ATG5: variants seen among roughly 807,000 people sequenced by gnomAD.
The protein encoded by ATG5 is autophagy related 5.
A neutral mutation model predicts 36.5 loss-of-function variants in ATG5; 14 were observed. The observed-to-expected ratio is 0.38, with a 90% CI of 0.25 to 0.60. The LOEUF is 0.60. Among genes scored for constraint, ATG5 ranks in the 20% least tolerant of loss-of-function variants. The probability of loss-of-function intolerance (pLI) is 0.60; values close to 1 mark genes in which losing one functional copy is unlikely to be tolerated. For missense variants in ATG5, 195 were observed against 326.7 expected (o/e 0.60, Z 3.11); for synonymous variants, 95 against 101.5 (o/e 0.94, Z 0.38).
intron 7 of ATG5, among the ~76,000 whole-genome samples, chr6:106,197,063 G>A (rs950781997): frequency 2.0e-5 from 3 of 152,304 alleles, no homozygotes; most frequent in Middle Eastern, 3.4e-3. Flanking sequence ...TGACAATTGT[G>A]CTGCTGTTAG....
chr6:106,316,021 T>C, intron 2 of ATG5, 80 bp downstream of exon 2: 1 of 1,119,076 alleles, frequency 8.9e-7, no homozygotes, highest in Non-Finnish European at 1.3e-6. Flanking sequence ...CGTTACATAA[T>C]GGCCTCCAAG....
intron 6 of ATG5, among the ~76,000 whole-genome samples, chr6:106,216,850 C>T (rs1777058700): frequency 6.6e-6 from 1 of 151,908 alleles, no homozygotes; most frequent in Non-Finnish European, 1.5e-5. Context: ...AAATAGCCAC[C>T]ATACACACCA....
At chr6:106,189,940 G>A (rs1161169005) in intron 7 of ATG5, among the ~76,000 whole-genome samples, 3 of 151,980 alleles carry the variant, frequency 2.0e-5, no homozygotes, top group Admixed American at 2.0e-4. Context: ...TTTATATAGG[G>A]CACTTTTTAG....
At chr6:106,199,989 A>G (rs1776352810) in intron 7 of ATG5, among the ~76,000 whole-genome samples, 1 of 152,206 alleles carries the variant, frequency 6.6e-6, no homozygotes, top group African/African-American at 2.4e-5. Flanking sequence ...TAATTTGGGT[A>G]GTCAGTGGTC....
chr6:106,202,199 G>C, intron 6 of ATG5, 110 bp from the exon 7 acceptor site: 1 of 728,746 alleles, frequency 1.4e-6, no homozygotes, highest in South Asian at 1.7e-5. Context: ...TTGATACGGT[G>C]TTAGCATAAT....
chr6:106,200,477 ATT>A (rs5878872), intron 7 of ATG5, among the ~76,000 whole-genome samples: 4 of 144,444 alleles, frequency 2.8e-5, no homozygotes, highest in African/African-American at 2.5e-5. Flanking sequence ...CAACTCTGCA[ATT>A]TTTTTTTTTT....
intron 4 of ATG5, among the ~76,000 whole-genome samples, chr6:106,284,912 T>C (rs898678061): frequency 2.6e-5 from 4 of 152,224 alleles, no homozygotes; most frequent in African/African-American, 9.6e-5. Flanking sequence ...AGATAGTATA[T>C]GATTTGCAAA....
At chr6:106,314,613 AGTT>A (rs1286100986) in intron 2 of ATG5, among the ~76,000 whole-genome samples, 5 of 152,078 alleles carry the variant, frequency 3.3e-5, no homozygotes, top group Admixed American at 6.6e-5. Context: ...ATTATTTTTC[AGTT>A]GTTGTCAATT....
intron 3 of ATG5, among the ~76,000 whole-genome samples, chr6:106,301,095 GTGGTAATAA>G (rs1770188632): frequency 6.6e-6 from 1 of 152,018 alleles, no homozygotes; most frequent in South Asian, 2.1e-4. Flanking sequence ...AACACCAGTT[GTGGTAATAA>G]GAAACTTCAC....
intron 6 of ATG5, among the ~76,000 whole-genome samples, chr6:106,237,548 G>A (rs1234562800): frequency 6.6e-6 from 1 of 152,120 alleles, no homozygotes; most frequent in African/African-American, 2.4e-5. Flanking sequence ...CTACCCCACA[G>A]AAGTGTTATG....
chr6:106,192,949 G>A (rs1175444598), intron 7 of ATG5, among the ~76,000 whole-genome samples: 1 of 152,172 alleles, frequency 6.6e-6, no homozygotes, highest in Non-Finnish European at 1.5e-5. Flanking sequence ...TCATGCTGAA[G>A]GATTTTGTCT....
At chr6:106,314,738 T>C (rs1449524215) in intron 2 of ATG5, among the ~76,000 whole-genome samples, 2 of 151,966 alleles carry the variant, frequency 1.3e-5, no homozygotes, top group Admixed American at 6.6e-5. Context: ...AAAAAAATGG[T>C]ATCCTAACCT....
At chr6:106,270,222 C>T (rs1275292807) in intron 5 of ATG5, among the ~76,000 whole-genome samples, 2 of 152,028 alleles carry the variant, frequency 1.3e-5, no homozygotes, top group African/African-American at 4.8e-5. Context: ...TTTTTAATTA[C>T]AGAAAGAACA....
At chr6:106,222,116 G>C (rs917288026) in intron 6 of ATG5, among the ~76,000 whole-genome samples, 32 of 152,112 alleles carry the variant, frequency 2.1e-4, no homozygotes, top group Non-Finnish European at 4.4e-4. Context: ...GTTTGGCCAG[G>C]ATGGTCTCAA....
chr6:106,227,138 C>A (rs2114447865), intron 6 of ATG5, among the ~76,000 whole-genome samples: 1 of 150,808 alleles, frequency 6.6e-6, no homozygotes, highest in East Asian at 2.0e-4. Flanking sequence ...CAAAGCGATC[C>A]ACACCTAGGT....
intron 5 of ATG5, among the ~76,000 whole-genome samples, chr6:106,251,723 G>GAGAA (rs1269445417): frequency 2.1e-5 from 3 of 145,988 alleles, no homozygotes; most frequent in Non-Finnish European, 3.0e-5. Context: ...AAGAAAGAAA[G>GAGAA]AGAAAGAGAA....
intron 1 of ATG5, among the ~76,000 whole-genome samples, chr6:106,322,713 T>C (rs2114693104): frequency 6.6e-6 from 1 of 152,330 alleles, no homozygotes; most frequent in African/African-American, 2.4e-5. Context: ...CAGGACTCAG[T>C]CCTTGAACCA....
intron 5 of ATG5, among the ~76,000 whole-genome samples, chr6:106,251,725 GAA>G (rs1433696425): frequency 1.4e-5 from 2 of 146,738 alleles, no homozygotes; most frequent in African/African-American, 2.5e-5. Flanking sequence ...GAAAGAAAGA[GAA>G]AGAGAAAGAA....
chr6:106,204,369 G>A (rs967090455), intron 6 of ATG5, among the ~76,000 whole-genome samples: 26 of 152,140 alleles, frequency 1.7e-4, no homozygotes, highest in African/African-American at 6.3e-4. Context: ...GAGTGTTTGT[G>A]ACAAGTATGA....
Sources: gnomAD v4.1 joint callset for allele counts (sites outside exome capture counted in the v4.1 genomes callset) on GRCh38, gnomAD v4.1.1 for gene constraint, MANE v1.5 for transcripts, NCBI Gene and HGNC (gene_info 2026-07-23, HGNC 2026-07-21) for gene names.